The following OTOGL variants were observed in gnomAD, a reference collection of about 807,000 sequenced individuals.
OTOGL encodes the protein otogelin like.
A neutral mutation model predicts 318.5 loss-of-function variants in OTOGL; 285 were observed. The observed-to-expected ratio is 0.89, with a 90% CI of 0.81 to 0.99. The LOEUF is 0.99. Ranked by LOEUF, OTOGL falls within the 50% of genes least tolerant of loss-of-function variation. The probability of loss-of-function intolerance (pLI) is 0.00; values close to 1 mark genes in which losing one functional copy is unlikely to be tolerated. For missense variants in OTOGL, 2,899 were observed against 2,845.6 expected, an observed-to-expected ratio of 1.02 and a Z score of -0.43; for synonymous variants, 987 against 936.5, an observed-to-expected ratio of 1.05 and a Z score of -0.99.
intron 7 of OTOGL, among the ~76,000 whole-genome samples, chr12:80,226,219 C>CACAT (rs1878836141): frequency 2.0e-5 from 3 of 150,516 alleles, no homozygotes; most frequent in African/African-American, 7.3e-5. Flanking sequence ...CACACACACA[C>CACAT]ACACTTCCCT....
chr12:80,121,344 C>T (rs1870476226), intron 1 of OTOGL, among the ~76,000 whole-genome samples: 1 of 152,156 alleles, frequency 6.6e-6, no homozygotes, highest in Non-Finnish European at 1.5e-5. Flanking sequence ...CAAAGGCTAC[C>T]TTTCAAGCAG....
chr12:80,173,671 T>A (rs1174719989), intron 1 of OTOGL, among the ~76,000 whole-genome samples: 2 of 152,196 alleles, frequency 1.3e-5, no homozygotes, highest in Non-Finnish European at 2.9e-5. Context: ...TGCAGCCCAA[T>A]AGGTCTCAGC....
At position 80,249,843 on chromosome 12, in the gene OTOGL, G is replaced by C. The variant is rs573644535; in HGVS notation, c.1053-1850G>C. Among the ~76,000 whole-genome samples, 10 of 152,252 alleles carry C rather than the reference G, an allele frequency of 6.6e-5. No homozygotes were observed. The South Asian group carries it at 1.2e-3, about 19-fold the overall frequency. On this transcript the variant is annotated intron_variant, in intron 11 of 58. Coordinates refer to ENST00000547103, the MANE Select transcript of OTOGL (RefSeq NM_001378609.3). The stretch of plus-strand genomic sequence containing the variant: ...CTCCGTGGGCGTAGGACCCTCCGAG[G>C]CAGGTGTGGGATATAGTCTCGTGGT...
intron 1 of OTOGL, among the ~76,000 whole-genome samples, chr12:80,128,287 G>C (rs1308856576): frequency 6.6e-6 from 1 of 152,204 alleles, no homozygotes; most frequent in Non-Finnish European, 1.5e-5. Flanking sequence ...AGGTCTGCTG[G>C]AGTTTGCTGG....
intron 20 of OTOGL, chr12:80,265,670 C>T (rs867018957): frequency 9.7e-5 from 17 of 175,802 alleles, no homozygotes; most frequent in Admixed American, 7.2e-4. Context: ...TAGATTGTTT[C>T]CTTGTGTGTT....
rs1461307515 is a variant in OTOGL, at chr12:80,380,557, A to T, written c.*2509A>T. ...TTCTAGCTAATAAAAAATATTTCAC[A>T]TTCAATCTACAGAAATTCAATTTCT... On this transcript the variant is annotated 3_prime_UTR_variant, in exon 59 of 59. Transcript: ENST00000547103. The T allele has an allele frequency of 6.6e-6, 1 of 151,606 alleles. No individual in the cohort carries two copies. The allele number at this position is 151,606 out of a possible 1,614,324, so 9.4% of individuals were successfully genotyped here.
chr12:80,353,279 TA>T (rs755847964), intron 45 of OTOGL, 45 bp from the exon 46 acceptor site: 6 of 1,242,338 alleles, frequency 4.8e-6, no homozygotes, highest in Non-Finnish European at 6.3e-6. Flanking sequence ...AGAATTTAAA[TA>T]AGTTACTTTT....
chr12:80,263,610 C>T (rs1882717283), intron 19 of OTOGL, among the ~76,000 whole-genome samples: 1 of 151,922 alleles, frequency 6.6e-6, no homozygotes, highest in South Asian at 2.1e-4. Context: ...CCACATGGAC[C>T]CTAAACCACA....
rs201373228 is a variant in OTOGL, at chr12:80,302,793, C to T, written c.3213+10C>T. On this transcript the variant is annotated intron_variant, in intron 28 of 58. Coordinates refer to ENST00000547103, the MANE Select transcript of OTOGL (RefSeq NM_001378609.3). ...TGGGCCACAGTGGAAGGTAGGTCAA[C>T]CTAAGCTCCAAATGAGATGTAATGA... 1.1e-3 allele frequency: 1,609 copies of T among 1,455,036 alleles called. 19 individuals carry two copies. The highest frequency in any genetic ancestry group is 7.3e-4 in the Middle Eastern group (4 of 5,484). 90.1% of individuals were successfully genotyped at this position (1,455,036 alleles called of 1,614,324 possible). A position where few individuals can be genotyped will look rare whatever the true frequency, so the allele number is the denominator to read the frequency against.
intron 28 of OTOGL, among the ~76,000 whole-genome samples, 163 bp from the exon 29 acceptor site, chr12:80,305,413 A>G (rs1886041705): frequency 1.3e-5 from 2 of 152,216 alleles, no homozygotes; most frequent in African/African-American, 2.4e-5. Context: ...ATATAATTAA[A>G]TTGGTATGAG....
At chr12:80,125,888 C>T (rs181601335) in intron 1 of OTOGL, among the ~76,000 whole-genome samples, 28 of 151,758 alleles carry the variant, frequency 1.8e-4, no homozygotes, top group African/African-American at 6.5e-4. Context: ...GGTGATATCC[C>T]CTTTATCATT....
intron 1 of OTOGL, among the ~76,000 whole-genome samples, chr12:80,120,877 A>T (rs1211676458): frequency 6.6e-6 from 1 of 152,184 alleles, no homozygotes; most frequent in African/African-American, 2.4e-5. Context: ...AAAGACCCTT[A>T]TTCCCCTGAG....
In OTOGL at chr12:80,378,272, G is replaced by T; in HGVS notation, c.*224G>T. 2.3e-6 allele frequency: 1 copy of T among 430,938 alleles called. No individual in the cohort carries two copies. The highest frequency in any genetic ancestry group is 3.9e-5 in the South Asian group (1 of 25,958). The allele number at this position is 430,938 out of a possible 1,614,324, so 26.7% of individuals were successfully genotyped here. On this transcript the variant is annotated 3_prime_UTR_variant, in exon 59 of 59. Coordinates refer to ENST00000547103, the MANE Select transcript of OTOGL (RefSeq NM_001378609.3). Reference sequence around the variant, plus strand: ...TTAGAAAATCAAATGACTGTAAGTTGTTCAGCTGAAATGCTGTTATGTATT... The same window carrying T: ...TTAGAAAATCAAATGACTGTAAGTTTTTCAGCTGAAATGCTGTTATGTATT...
chr12:80,227,110 A>T (rs527358360), intron 7 of OTOGL, among the ~76,000 whole-genome samples: 4 of 152,114 alleles, frequency 2.6e-5, no homozygotes, highest in Non-Finnish European at 5.9e-5. Flanking sequence ...GGGTGGAGTG[A>T]TCCCTTAATT....
rs1334432385 is a variant in OTOGL, at chr12:80,377,890, A to G, written c.6904A>G (p.Ile2302Val). The G allele has an allele frequency of 1.2e-6, 2 of 1,611,842 alleles. No individual in the cohort carries two copies. Among genetic ancestry groups the G allele is most frequent in the Non-Finnish European group, 1.7e-6 (2 of 1,178,638 alleles). The change falls in exon 59 of 59, where the codon ATA becomes GTA. Residue 2302 changes from isoleucine (I) to valine (V), a missense_variant. This residue lies in a region of OTOGL where 289 missense variants were observed against 304.6 expected (regional missense o/e 0.95). Coordinates refer to ENST00000547103, the MANE Select transcript of OTOGL (RefSeq NM_001378609.3). ...TGACGGCAAATGCCCATCAGCTACC[A>G]TATATAACATCAATATTGAAAGTCA... ...SCDGKCPSAT[I>V]YNINIESHLR... is the part of the protein sequence containing the mutation.
At chr12:80,321,329 C>G (rs1887318289) in intron 34 of OTOGL, among the ~76,000 whole-genome samples, 1 of 152,162 alleles carries the variant, frequency 6.6e-6, no homozygotes, top group African/African-American at 2.4e-5. Flanking sequence ...TGAGTCTCCT[C>G]AAGAAATCGT....
chr12:80,240,493 T>A (rs910477264), intron 11 of OTOGL, among the ~76,000 whole-genome samples: 3 of 152,120 alleles, frequency 2.0e-5, no homozygotes, highest in African/African-American at 7.2e-5. Flanking sequence ...ATATATATGC[T>A]TTTAACACGC....
chr12:80,164,120 CT>C (rs773783236), intron 1 of OTOGL, among the ~76,000 whole-genome samples: 1 of 152,114 alleles, frequency 6.6e-6, no homozygotes, highest in Non-Finnish European at 1.5e-5. Flanking sequence ...GGCTATCTAG[CT>C]TCAGTTTCTT....
intron 26 of OTOGL, among the ~76,000 whole-genome samples, chr12:80,293,098 AC>A (rs1463705341): frequency 6.6e-6 from 1 of 152,170 alleles, no homozygotes; most frequent in Non-Finnish European, 1.5e-5. Context: ...AAAAGCTAAA[AC>A]CTTTACTCTT....
Sources: gnomAD v4.1 joint callset for allele counts (sites outside exome capture counted in the v4.1 genomes callset) on GRCh38, gnomAD v4.1.1 for gene constraint, gnomAD v4.1.1 regional missense constraint, MANE v1.5 for transcripts, NCBI Gene and HGNC (gene_info 2026-07-23, HGNC 2026-07-21) for gene names.